SV2C: variants seen among roughly 807,000 people sequenced by gnomAD.
The protein encoded by SV2C is synaptic vesicle glycoprotein 2C.
Under a neutral mutation model 79.7 loss-of-function variants are expected in SV2C, and 49 were observed. The observed-to-expected ratio is 0.61, with a 90% CI of 0.49 to 0.78. SV2C has a LOEUF of 0.78. Among genes scored for constraint, SV2C ranks in the 30% least tolerant of loss-of-function variants. The pLI is 0.00. For synonymous variants in SV2C, 334 were observed against 333.2 expected, an observed-to-expected ratio of 1.00 and a Z score of -0.03; for missense variants, 833 against 912.9, an observed-to-expected ratio of 0.91 and a Z score of 1.13.
chr5:75,871,266 A>G, the SV2C span, among the ~76,000 whole-genome samples: 2 of 152,232 alleles, frequency 1.3e-5, no homozygotes, highest in African/African-American at 4.8e-5. Context: ...CAAAACACCC[A>G]AAGTGAACAT....
intron 2 of SV2C, among the ~76,000 whole-genome samples, chr5:76,140,128 A>G (rs1180001749): frequency 2.0e-5 from 3 of 152,190 alleles, no homozygotes; most frequent in Non-Finnish European, 4.4e-5. Context: ...TATATCTTCC[A>G]TTGATAGCTA....
the SV2C span, among the ~76,000 whole-genome samples, chr5:76,026,750 A>T: frequency 6.6e-6 from 1 of 152,218 alleles, no homozygotes; most frequent in Non-Finnish European, 1.5e-5. Flanking sequence ...GCTTAAAATA[A>T]AGAGAACAAA....
the SV2C span, among the ~76,000 whole-genome samples, chr5:75,909,611 G>T: frequency 8.5e-5 from 13 of 152,132 alleles, no homozygotes; most frequent in African/African-American, 3.1e-4. Context: ...TGGTAAAATT[G>T]TTTCTGATTT....
intron 1 of SV2C, among the ~76,000 whole-genome samples, chr5:76,109,712 A>G (rs952430088): frequency 3.3e-5 from 5 of 152,110 alleles, no homozygotes; most frequent in Non-Finnish European, 7.4e-5. Context: ...AAGCCGAGGA[A>G]TGCCAAGGCT....
Position 76,171,464 on chromosome 5 carries a change from C to T in SV2C, c.581-23455C>T, listed in dbSNP as rs1478480292. ...CTGGGAGGTGAGGAGCGTCTCTGCCCGGCTGCCCCGTCTGAGAAGTGAGGA... is the reference window on the plus strand; with the variant it reads ...CTGGGAGGTGAGGAGCGTCTCTGCCTGGCTGCCCCGTCTGAGAAGTGAGGA... On this transcript the variant is annotated intron_variant, in intron 2 of 12. Transcript: ENST00000502798. Among the ~76,000 whole-genome samples the T allele has an allele frequency of 2.1e-4, 25 of 118,806 alleles. 1 individual carries two copies. Among genetic ancestry groups the T allele is most frequent in the African/African-American group, 5.6e-4 (19 of 33,830 alleles). 77.9% of individuals were successfully genotyped at this position (118,806 alleles called of 152,430 possible).
intron 12 of SV2C, among the ~76,000 whole-genome samples, chr5:76,343,961 C>T (rs1257600065): frequency 1.3e-5 from 2 of 152,144 alleles, no homozygotes; most frequent in Non-Finnish European, 2.9e-5. Context: ...ATTGAGGTTA[C>T]AGTGAACGGT....
At chr5:76,036,727 A>T in the SV2C span, among the ~76,000 whole-genome samples, 3 of 152,020 alleles carry the variant, frequency 2.0e-5, no homozygotes, top group African/African-American at 7.2e-5. Flanking sequence ...GGTGTCTTGG[A>T]GTTGCTCTTC....
the SV2C span, among the ~76,000 whole-genome samples, chr5:75,984,715 G>A: frequency 6.6e-6 from 1 of 151,954 alleles, no homozygotes; most frequent in African/African-American, 2.4e-5. Context: ...GACTGCATAG[G>A]CAAGTCTGAA....
the SV2C span, among the ~76,000 whole-genome samples, chr5:75,962,236 T>G: frequency 4.6e-5 from 7 of 152,104 alleles, no homozygotes; most frequent in East Asian, 1.4e-3. Flanking sequence ...TTCAGTAAAC[T>G]TGAATTTCCT....
the SV2C span, among the ~76,000 whole-genome samples, chr5:75,998,607 T>C: frequency 5.3e-5 from 8 of 151,834 alleles, no homozygotes; most frequent in Non-Finnish European, 1.2e-4. Context: ...AACATGATAG[T>C]GTGTGTGTGT....
rs890601390 is a variant in SV2C, at chr5:76,125,872, A to T, written c.-101-5778A>T. Among the ~76,000 whole-genome samples the T allele has an allele frequency of 2.6e-5, 4 of 152,248 alleles. No individual in the cohort carries two copies. In the East Asian group the frequency reaches 7.7e-4, roughly 29 times the overall value. ...CAGAAGTTCTAGACCAGCCTTGGAA[A>T]CATAAAAAGACTTCATCTCTACAAA... On this transcript the variant is annotated intron_variant, in intron 1 of 12. Coordinates refer to ENST00000502798, the MANE Select transcript of SV2C (RefSeq NM_014979.4).
chr5:75,924,692 AATG>A, the SV2C span, among the ~76,000 whole-genome samples: 1 of 152,266 alleles, frequency 6.6e-6, no homozygotes, highest in Non-Finnish European at 1.5e-5. Flanking sequence ...TTATTTAATA[AATG>A]ATGCTACCCC....
At chr5:76,064,355 C>T in the SV2C span, among the ~76,000 whole-genome samples, 1 of 152,056 alleles carries the variant, frequency 6.6e-6, no homozygotes, top group Non-Finnish European at 1.5e-5. Flanking sequence ...TCCCACCAGG[C>T]GGGAGTCTTC....
the SV2C span, among the ~76,000 whole-genome samples, chr5:75,988,800 G>T: frequency 6.6e-6 from 1 of 151,912 alleles, no homozygotes; most frequent in Admixed American, 6.6e-5. Flanking sequence ...TGGAGGAAAA[G>T]CCCTATCTAT....
the SV2C span, among the ~76,000 whole-genome samples, chr5:76,026,201 AACACACACACACACACAC>A: frequency 1.4e-5 from 2 of 140,034 alleles, no homozygotes; most frequent in African/African-American, 2.7e-5. Flanking sequence ...CAAATTTACA[AACACACACACACACACAC>A]ACACACACAC....
chr5:76,141,075 AT>A (rs1749235570), intron 2 of SV2C, among the ~76,000 whole-genome samples: 1 of 152,182 alleles, frequency 6.6e-6, no homozygotes, highest in Non-Finnish European at 1.5e-5. Flanking sequence ...TGCCTTTCAA[AT>A]TCTCCTGGGA....
At chr5:76,127,997 G>A (rs1335556076) in intron 1 of SV2C, among the ~76,000 whole-genome samples, 1 of 152,060 alleles carries the variant, frequency 6.6e-6, no homozygotes, top group Non-Finnish European at 1.5e-5. Flanking sequence ...TCTGTTCCTG[G>A]GGAAACTGAA....
chr5:76,007,104 G>A, the SV2C span, among the ~76,000 whole-genome samples: 3 of 152,128 alleles, frequency 2.0e-5, no homozygotes, highest in Non-Finnish European at 4.4e-5. Flanking sequence ...CACAGCCAGC[G>A]AGTGTCAGAG....
At chr5:75,903,453 GAC>G in the SV2C span, among the ~76,000 whole-genome samples, 2 of 151,576 alleles carry the variant, frequency 1.3e-5, no homozygotes, top group African/African-American at 4.9e-5. Flanking sequence ...CTTTGCTAAT[GAC>G]AGTCTTTTCA....
Sources: gnomAD v4.1 joint callset for allele counts (sites outside exome capture counted in the v4.1 genomes callset) on GRCh38, gnomAD v4.1.1 for gene constraint, MANE v1.5 for transcripts, NCBI Gene and HGNC (gene_info 2026-07-23, HGNC 2026-07-21) for gene names.